The following GRID1 variants were observed in gnomAD, a reference collection of about 807,000 sequenced individuals.
The protein encoded by GRID1 is glutamate ionotropic receptor delta type subunit 1, also known as glutamate receptor ionotropic, delta-1.
GRID1 carries 28 observed loss-of-function variants against 98.0 expected under a neutral mutation model. That is an observed-to-expected ratio of 0.29 (90% CI 0.21 to 0.39). The LOEUF (loss-of-function observed/expected upper bound fraction) is 0.39, where lower values mean the gene tolerates loss of function less well. Among genes scored for constraint, GRID1 ranks in the 10% least tolerant of loss-of-function variants. The pLI, the probability that GRID1 is intolerant of heterozygous loss-of-function variation, is 1.00. For missense variants in GRID1, 1,111 were observed against 1,340.5 expected (o/e 0.83, Z 2.67); for synonymous variants, 553 against 538.5 (o/e 1.03, Z -0.37).
chr10:86,173,807 T>C (rs1007241654), intron 3 of GRID1, among the ~76,000 whole-genome samples: 3 of 146,754 alleles, frequency 2.0e-5, no homozygotes, highest in African/African-American at 7.5e-5. Context: ...TTCCCACCTA[T>C]GAGTGAGAAT....
intron 4 of GRID1, among the ~76,000 whole-genome samples, chr10:85,994,685 G>T (rs1842720609): frequency 6.6e-6 from 1 of 152,204 alleles, no homozygotes; most frequent in African/African-American, 2.4e-5. Context: ...GAATGCTGGG[G>T]TCCCCCAGCT....
intron 8 of GRID1, among the ~76,000 whole-genome samples, chr10:85,751,085 G>A (rs752552607): frequency 2.6e-5 from 4 of 152,188 alleles, no homozygotes; most frequent in Non-Finnish European, 4.4e-5. Context: ...AAAAGGACAT[G>A]AGATGAGGGA....
intron 12 of GRID1, chr10:85,709,110 T>C: frequency 3.0e-6 from 1 of 337,590 alleles, no homozygotes; most frequent in South Asian, 3.3e-5. Flanking sequence ...ACCCTGACTT[T>C]GAGATGGTAT....
At chr10:86,191,613 C>T (rs965279653) in intron 3 of GRID1, among the ~76,000 whole-genome samples, 13 of 152,146 alleles carry the variant, frequency 8.5e-5, no homozygotes, top group African/African-American at 3.1e-4. Context: ...CACCCTCTCT[C>T]TGCTTCCAGT....
At chr10:85,988,052 T>C (rs906799206) in intron 4 of GRID1, among the ~76,000 whole-genome samples, 1 of 152,112 alleles carries the variant, frequency 6.6e-6, no homozygotes, top group African/African-American at 2.4e-5. Context: ...TGAATAGAAA[T>C]GAATATCTGG....
intron 4 of GRID1, among the ~76,000 whole-genome samples, chr10:86,015,114 T>C (rs1377639674): frequency 6.6e-6 from 1 of 152,218 alleles, no homozygotes; most frequent in African/African-American, 2.4e-5. Context: ...ACATACCATA[T>C]ACCTATTCAT....
chr10:85,609,031 C>T (rs2175200), intron 15 of GRID1, among the ~76,000 whole-genome samples: 96,505 of 151,906 alleles, frequency 0.64, 31,686 homozygotes, highest in African/African-American at 0.81. Context: ...ACAACCTTCA[C>T]TCCCAAGTCC....
At chr10:85,614,839 G>A (rs1487452128) in intron 14 of GRID1, among the ~76,000 whole-genome samples, 1 of 152,132 alleles carries the variant, frequency 6.6e-6, no homozygotes, top group Non-Finnish European at 1.5e-5. Flanking sequence ...TTTGGTTGTG[G>A]TATTTTGTCT....
chr10:86,338,486 T>C (rs191758156), intron 2 of GRID1, among the ~76,000 whole-genome samples: 1 of 152,332 alleles, frequency 6.6e-6, no homozygotes, highest in African/African-American at 2.4e-5. Flanking sequence ...ATCTTTGTCC[T>C]GTACAACCGA....
chr10:85,635,035 A>AAAAAAAAAAAAAAAG (rs1843020829), intron 13 of GRID1, among the ~76,000 whole-genome samples: 1 of 117,478 alleles, frequency 8.5e-6, no homozygotes, highest in South Asian at 2.8e-4. Context: ...AAAAAAAAAA[A>AAAAAAAAAAAAAAAG]TCAGATTTAA....
intron 2 of GRID1, among the ~76,000 whole-genome samples, chr10:86,266,265 C>G (rs1169453009): frequency 6.6e-6 from 1 of 152,114 alleles, no homozygotes; most frequent in Non-Finnish European, 1.5e-5. Context: ...GCCACCAACC[C>G]CCAATGCACA....
chr10:85,818,854 A>G (rs1032281469), intron 8 of GRID1, among the ~76,000 whole-genome samples: 1 of 151,946 alleles, frequency 6.6e-6, no homozygotes, highest in Non-Finnish European at 1.5e-5. Context: ...AGTAGCTGGG[A>G]CTATAGGCAC....
chr10:85,838,664 A>G (rs891267953), intron 8 of GRID1, among the ~76,000 whole-genome samples: 8 of 151,986 alleles, frequency 5.3e-5, no homozygotes, highest in Admixed American at 5.2e-4. Flanking sequence ...CTAAATATGG[A>G]AAAAAATACT....
intron 12 of GRID1, among the ~76,000 whole-genome samples, chr10:85,694,550 G>GTGTA (rs1564562065): frequency 1.1e-5 from 1 of 92,838 alleles, no homozygotes; most frequent in Non-Finnish European, 2.3e-5. Flanking sequence ...AATGTGGTGT[G>GTGTA]TATATATATA....
intron 2 of GRID1, among the ~76,000 whole-genome samples, chr10:86,348,121 C>T (rs1848413385): frequency 6.6e-6 from 1 of 152,226 alleles, no homozygotes; most frequent in South Asian, 2.1e-4. Flanking sequence ...CACAAGTGTG[C>T]ATGCAGTATG....
At chr10:86,030,227 T>C (rs1843168236) in intron 4 of GRID1, among the ~76,000 whole-genome samples, 1 of 152,212 alleles carries the variant, frequency 6.6e-6, no homozygotes, top group Non-Finnish European at 1.5e-5. Flanking sequence ...TCTTGTATGG[T>C]AAATGCTTTT....
chr10:85,624,566 A>G (rs935278111), intron 13 of GRID1, among the ~76,000 whole-genome samples: 2 of 152,256 alleles, frequency 1.3e-5, no homozygotes, highest in Non-Finnish European at 2.9e-5. Flanking sequence ...TATGAAACGT[A>G]TTTGCAGATC....
At chr10:86,020,659 A>G (rs1027720074) in intron 4 of GRID1, among the ~76,000 whole-genome samples, 3 of 152,138 alleles carry the variant, frequency 2.0e-5, no homozygotes, top group African/African-American at 7.2e-5. Flanking sequence ...CATTAGCTCC[A>G]TTTCTACCAT....
chr10:85,748,185 A>T (rs972355869), intron 8 of GRID1, among the ~76,000 whole-genome samples: 2 of 152,194 alleles, frequency 1.3e-5, no homozygotes, highest in Non-Finnish European at 2.9e-5. Flanking sequence ...TTCAGTAAGA[A>T]CATCTGCAAC....
Sources: allele counts gnomAD v4.1 joint callset (sites outside exome capture counted in the v4.1 genomes callset), GRCh38; gene constraint gnomAD v4.1.1; transcripts MANE v1.5; gene names NCBI Gene and HGNC (gene_info 2026-07-23, HGNC 2026-07-21).